Variants in DCLK2 observed in about 807,000 individuals in gnomAD.
DCLK2 encodes serine/threonine-protein kinase DCLK2.
Under a neutral mutation model 78.4 loss-of-function variants are expected in DCLK2, and 31 were observed. The observed-to-expected ratio is 0.40, with a 90% CI of 0.30 to 0.53. The LOEUF (loss-of-function observed/expected upper bound fraction) is 0.53, where lower values mean the gene tolerates loss of function less well. DCLK2 is among the 20% of genes least tolerant of loss of function. The pLI, the probability that DCLK2 is intolerant of heterozygous loss-of-function variation, is 0.61. For synonymous variants in DCLK2, 407 were observed against 374.9 expected (o/e 1.09, Z -0.99); for missense variants, 872 against 973.7 (o/e 0.90, Z 1.39).
Position 150,220,768 on chromosome 4 carries a change from A to G in DCLK2, c.1122A>G (p.Ile374Met), listed in dbSNP as rs919650101. ...GTGGACCTGAGCTTGACCGTTGCAT[A>G]AGTCCTGAAGGTAGTTCTCAGTCTG... is the stretch of plus-strand genomic sequence containing the variant. The part of the protein sequence containing the change: ...VNGGPELDRC[I>M]SPEGVNGNRC... Residue 374 changes from isoleucine to methionine, a missense_variant, in exon 6 of 16, where the codon ATA becomes ATG. Ile to Met is a conservative substitution (Grantham distance 10). This residue lies in a region of DCLK2 where 567 missense variants were observed against 593.4 expected (regional missense o/e 0.96). Coordinates refer to ENST00000296550, the MANE Select transcript of DCLK2 (RefSeq NM_001040260.4). 11 of 1,613,292 alleles carry G rather than the reference A, an allele frequency of 6.8e-6. No homozygotes were observed. The highest frequency in any genetic ancestry group is 1.3e-5 in the African/African-American group (1 of 74,924).
intron 2 of DCLK2, among the ~76,000 whole-genome samples, chr4:150,188,148 C>A (rs1738095804): frequency 6.6e-6 from 1 of 152,140 alleles, no homozygotes; most frequent in South Asian, 2.1e-4. Flanking sequence ...TTGCCAGTAG[C>A]AGTGACTGAA....
intron 15 of DCLK2, among the ~76,000 whole-genome samples, chr4:150,250,681 G>A (rs1047176262): frequency 1.3e-5 from 2 of 151,572 alleles, no homozygotes; most frequent in Non-Finnish European, 2.9e-5. Context: ...CCACAGCTCC[G>A]TCACTCGTAC....
At chr4:150,249,752 G>A (rs929656952) in intron 15 of DCLK2, 68 bp downstream of exon 15, 9 of 1,283,222 alleles carry the variant, frequency 7.0e-6, no homozygotes, top group South Asian at 2.4e-5. Context: ...TTAGGTAGCC[G>A]GGAGCTGCCC....
At chr4:150,197,059 C>T (rs1739091435) in intron 3 of DCLK2, among the ~76,000 whole-genome samples, 1 of 150,150 alleles carries the variant, frequency 6.7e-6, no homozygotes, top group African/African-American at 2.5e-5. Flanking sequence ...GAGGCTGAGA[C>T]AGGAGAATCA....
At chr4:150,253,516 T>C in intron 15 of DCLK2, 4 of 1,289,672 alleles carry the variant, frequency 3.1e-6, no homozygotes, top group Non-Finnish European at 4.0e-6. Flanking sequence ...TTTCCTTCTT[T>C]ACCCCGCTGA....
intron 8 of DCLK2, among the ~76,000 whole-genome samples, chr4:150,228,798 G>A (rs547244943): frequency 2.0e-5 from 3 of 151,970 alleles, no homozygotes; most frequent in Non-Finnish European, 2.9e-5. Context: ...AGGCCGAGGC[G>A]GGTGGATCAT....
intron 5 of DCLK2, among the ~76,000 whole-genome samples, chr4:150,211,614 C>CT (rs1283975915): frequency 6.6e-6 from 1 of 152,170 alleles, no homozygotes; most frequent in Non-Finnish European, 1.5e-5. Flanking sequence ...TGTCCATCCT[C>CT]TTTTTTGAGG....
chr4:150,145,045 A>G (rs1439920973), intron 2 of DCLK2, among the ~76,000 whole-genome samples: 1 of 152,084 alleles, frequency 6.6e-6, no homozygotes, highest in Non-Finnish European at 1.5e-5. Flanking sequence ...AATTTCTTTC[A>G]TTACTGTTTT....
At chr4:150,225,545 G>A (rs530188298) in intron 8 of DCLK2, among the ~76,000 whole-genome samples, 3 of 152,164 alleles carry the variant, frequency 2.0e-5, no homozygotes, top group South Asian at 4.1e-4. Context: ...TACCAGTCAC[G>A]TACAGCTACA....
rs1560851069 is a variant in DCLK2, at chr4:150,190,282, GATAGATAGATAGATAGGCAGA to G, written c.757-2855_757-2835del. Among the ~76,000 whole-genome samples, 517 of 148,786 alleles carry G rather than the reference GATAGATAGATAGATAGGCAGA, an allele frequency of 3.5e-3. 7 individuals carry two copies. Among genetic ancestry groups the G allele is most frequent in the African/African-American group, 0.013 (484 of 38,542 alleles). ...AGATAGATAGATAGATAGATAGATA[GATAGATAGATAGATAGGCAGA>G]CAGACAGACAGACGGACGGATAGAT... On this transcript the variant is annotated intron_variant, in intron 2 of 15. Transcript: ENST00000296550.
intron 2 of DCLK2, among the ~76,000 whole-genome samples, chr4:150,145,413 C>T (rs1192926063): frequency 1.3e-5 from 2 of 152,090 alleles, no homozygotes; most frequent in Non-Finnish European, 1.5e-5. Flanking sequence ...AAAAGGTTCC[C>T]CAACATTGCC....
rs577343642 is a variant in DCLK2 at position 150,230,886 on chromosome 4, G to T, written c.1300-1451G>T. Reference sequence around the variant, plus strand: ...AACACCATTCTTCAGATTTTGAAGCGTTTGTTGAGTCCTGAGCCAGTCAAA... The same window carrying T: ...AACACCATTCTTCAGATTTTGAAGCTTTTGTTGAGTCCTGAGCCAGTCAAA... On this transcript the variant is annotated intron_variant, in intron 8 of 15. Transcript: ENST00000296550. Among the ~76,000 whole-genome samples, 3 of 152,248 alleles carry T rather than the reference G, an allele frequency of 2.0e-5. No homozygotes were observed. In the South Asian group the frequency reaches 6.2e-4, roughly 32 times the overall value.
chr4:150,086,056 C>A (rs921561186), intron 1 of DCLK2, among the ~76,000 whole-genome samples: 4 of 152,166 alleles, frequency 2.6e-5, no homozygotes, highest in Non-Finnish European at 5.9e-5. Context: ...ACCTCAGTAA[C>A]ATACAGGAGG....
intron 10 of DCLK2, among the ~76,000 whole-genome samples, chr4:150,235,831 C>G (rs1742455908): frequency 6.6e-6 from 1 of 152,214 alleles, no homozygotes; most frequent in Admixed American, 6.5e-5. Context: ...ATTCAGACAT[C>G]TGATTTGCAT....
At chr4:150,149,147 T>C (rs1734706271) in intron 2 of DCLK2, among the ~76,000 whole-genome samples, 1 of 151,930 alleles carries the variant, frequency 6.6e-6, no homozygotes, top group South Asian at 2.1e-4. Flanking sequence ...TGAACCAATC[T>C]GAGGACAGAA....
chr4:150,107,720 C>T (rs1731371157), intron 2 of DCLK2, among the ~76,000 whole-genome samples: 1 of 152,070 alleles, frequency 6.6e-6, no homozygotes, highest in Non-Finnish European at 1.5e-5. Flanking sequence ...TATTTGTCTT[C>T]ATTGTGTGAG....
intron 5 of DCLK2, among the ~76,000 whole-genome samples, chr4:150,206,372 C>T (rs1479254168): frequency 6.6e-6 from 1 of 151,798 alleles, no homozygotes; most frequent in African/African-American, 2.4e-5. Flanking sequence ...TTATTCACAC[C>T]GAGAGGAATA....
intron 2 of DCLK2, among the ~76,000 whole-genome samples, chr4:150,166,493 C>CA (rs1304565262): frequency 4.6e-5 from 7 of 151,470 alleles, no homozygotes; most frequent in African/African-American, 1.7e-4. Flanking sequence ...GACCCTGTCT[C>CA]AAAAAAAAGT....
chr4:150,219,078 C>T (rs1409967787), intron 5 of DCLK2, among the ~76,000 whole-genome samples: 2 of 151,830 alleles, frequency 1.3e-5, no homozygotes, highest in Non-Finnish European at 2.9e-5. Context: ...ATGGCGTATA[C>T]CTGTAGTCCC....
Sources: allele counts gnomAD v4.1 joint callset (sites outside exome capture counted in the v4.1 genomes callset), GRCh38; gene constraint gnomAD v4.1.1; regional missense constraint gnomAD v4.1.1; transcripts MANE v1.5; gene names NCBI Gene and HGNC (gene_info 2026-07-23, HGNC 2026-07-21).